The following TMEM123 variants were observed in gnomAD, a reference collection of about 807,000 sequenced individuals.
TMEM123 encodes the protein transmembrane protein 123.
A neutral mutation model predicts 19.7 loss-of-function variants in TMEM123; 16 were observed. The observed-to-expected ratio is 0.81, with a 90% CI of 0.55 to 1.23. TMEM123 has a LOEUF of 1.23. TMEM123 is among the 50% of genes most tolerant of loss of function. TMEM123 has a pLI of 0.00. For synonymous variants in TMEM123, 118 were observed against 99.4 expected, an observed-to-expected ratio of 1.19 and a Z score of -1.12; for missense variants, 313 against 257.8, an observed-to-expected ratio of 1.21 and a Z score of -1.47.
chr11:102,403,686 C>T (rs772532234), intron 2 of TMEM123, among the ~76,000 whole-genome samples: 10 of 152,130 alleles, frequency 6.6e-5, no homozygotes, highest in South Asian at 6.2e-4. Context: ...TCCAATGTGG[C>T]GGTCTTGGGA....
intron 2 of TMEM123, among the ~76,000 whole-genome samples, chr11:102,440,712 T>C (rs1857816494): frequency 6.6e-6 from 1 of 152,188 alleles, no homozygotes; most frequent in Non-Finnish European, 1.5e-5. Context: ...TAACCTTAAA[T>C]GTAAATGGGG....
intron 3 of TMEM123, 72 bp downstream of exon 3, chr11:102,401,844 C>T (rs971010410): frequency 2.7e-5 from 42 of 1,541,510 alleles, no homozygotes; most frequent in Admixed American, 3.9e-5. Context: ...TTTTGCCAGA[C>T]AGAATAATGA....
intron 2 of TMEM123, among the ~76,000 whole-genome samples, chr11:102,407,305 T>A (rs1412206161): frequency 6.6e-6 from 1 of 152,254 alleles, no homozygotes; most frequent in East Asian, 1.9e-4. Flanking sequence ...TTTGGTATTA[T>A]TCTGGACAGG....
At chr11:102,406,297 G>C (rs944998184) in intron 2 of TMEM123, among the ~76,000 whole-genome samples, 1 of 152,268 alleles carries the variant, frequency 6.6e-6, no homozygotes, top group Non-Finnish European at 1.5e-5. Flanking sequence ...GGGGTAAAGA[G>C]GAGAATGCCA....
chr11:102,402,055 G>C lies in TMEM123; in HGVS notation c.309C>G (p.Val103=), dbSNP rs142725847. The C allele has an allele frequency of 3.4e-5, 55 of 1,614,116 alleles. No individual in the cohort carries two copies. The African/African-American group carries it at 6.3e-4, about 18-fold the overall frequency. Residue 103 remains valine, a synonymous_variant, in exon 3 of 5, where the codon GTC becomes GTG. Transcript: ENST00000398136. ...AASNTTTPGM[V]STNMTSTTLK... is the part of the protein sequence containing the mutation. The stretch of plus-strand genomic sequence containing the variant: ...AGGTGGTAGAAGTCATATTTGTTGA[G>C]ACCATCCCTGGTGTTGTTGTATTAG...
chr11:102,416,551 C>T (rs1347460983), intron 2 of TMEM123, among the ~76,000 whole-genome samples: 3 of 152,004 alleles, frequency 2.0e-5, no homozygotes, highest in Non-Finnish European at 4.4e-5. Context: ...AAGCCTTGGA[C>T]CAGACCGATT....
intron 2 of TMEM123, among the ~76,000 whole-genome samples, chr11:102,443,717 G>A (rs1356413570): frequency 6.6e-6 from 1 of 152,134 alleles, no homozygotes; most frequent in Admixed American, 6.5e-5. Flanking sequence ...AAACTGAAGA[G>A]CTTTTGCATG....
In TMEM123 at chr11:102,452,626, T is replaced by C; in HGVS notation, c.-3A>G. The C allele has an allele frequency of 6.5e-7, 1 of 1,531,266 alleles. No homozygotes were observed. The highest frequency in any genetic ancestry group is 2.5e-5 in the East Asian group (1 of 39,634). 94.9% of individuals were successfully genotyped at this position (1,531,266 alleles called of 1,614,324 possible). ...GCACCTCGCGCGCCGAGTCCCATTG[T>C]TCCGAGGGCAGGATGCGGCAGCCTC... On this transcript the variant is annotated 5_prime_UTR_variant, in exon 1 of 5. Transcript: ENST00000398136.
At chr11:102,425,583 CTTTTT>C (rs1167174586) in intron 2 of TMEM123, among the ~76,000 whole-genome samples, 1 of 107,940 alleles carries the variant, frequency 9.3e-6, no homozygotes, top group Non-Finnish European at 1.9e-5. Context: ...TTTCTTTTTT[CTTTTT>C]TTTTTTTTTT....
At chr11:102,446,149 C>T (rs1857881475) in intron 2 of TMEM123, among the ~76,000 whole-genome samples, 1 of 152,174 alleles carries the variant, frequency 6.6e-6, no homozygotes, top group South Asian at 2.1e-4. Flanking sequence ...CTAGACCATG[C>T]CACATTTCCT....
intron 2 of TMEM123, among the ~76,000 whole-genome samples, chr11:102,441,254 C>T (rs1023200778): frequency 6.6e-6 from 1 of 152,150 alleles, no homozygotes; most frequent in Non-Finnish European, 1.5e-5. Context: ...CTTCTCAGCA[C>T]CACATCGCAC....
chr11:102,439,443 G>A (rs1004952049), intron 2 of TMEM123, among the ~76,000 whole-genome samples: 2 of 152,114 alleles, frequency 1.3e-5, no homozygotes, highest in African/African-American at 4.8e-5. Context: ...GGTCTGGAGT[G>A]GACCTCCAGC....
At chr11:102,407,813 C>G (rs1335239448) in intron 2 of TMEM123, among the ~76,000 whole-genome samples, 1 of 152,224 alleles carries the variant, frequency 6.6e-6, no homozygotes, top group African/African-American at 2.4e-5. Flanking sequence ...TCACCTCTGA[C>G]TCCAGCCTCC....
At chr11:102,408,272 G>A (rs955522841) in intron 2 of TMEM123, among the ~76,000 whole-genome samples, 1 of 152,216 alleles carries the variant, frequency 6.6e-6, no homozygotes, top group African/African-American at 2.4e-5. Context: ...GTGGCTATGA[G>A]TGATGTCTGG....
chr11:102,420,024 T>A (rs1302704001), intron 2 of TMEM123, among the ~76,000 whole-genome samples: 1 of 152,244 alleles, frequency 6.6e-6, no homozygotes, highest in Non-Finnish European at 1.5e-5. Context: ...ACTTAGAAAG[T>A]ATACTGGAAG....
At chr11:102,441,578 A>T (rs1388469143) in intron 2 of TMEM123, among the ~76,000 whole-genome samples, 1 of 152,228 alleles carries the variant, frequency 6.6e-6, no homozygotes, top group Non-Finnish European at 1.5e-5. Context: ...CTAAATGCCC[A>T]CAAGAGAAAG....
At chr11:102,425,166 G>A (rs1006234766) in intron 2 of TMEM123, among the ~76,000 whole-genome samples, 1 of 152,198 alleles carries the variant, frequency 6.6e-6, no homozygotes, top group Non-Finnish European at 1.5e-5. Flanking sequence ...CCAGTTCTGT[G>A]CTGAAATTGT....
intron 2 of TMEM123, chr11:102,448,115 A>G (rs1415552473): frequency 2.5e-6 from 1 of 406,500 alleles, no homozygotes; most frequent in East Asian, 7.2e-5. Context: ...TCCCTGACTA[A>G]AAGTAAACAA....
chr11:102,409,395 C>T (rs899086679), intron 2 of TMEM123, among the ~76,000 whole-genome samples: 1 of 152,040 alleles, frequency 6.6e-6, no homozygotes. Context: ...CAACCTTACC[C>T]CATCAACTAA....
Sources: gnomAD v4.1 joint callset for allele counts (sites outside exome capture counted in the v4.1 genomes callset) on GRCh38, gnomAD v4.1.1 for gene constraint, MANE v1.5 for transcripts, NCBI Gene and HGNC (gene_info 2026-07-23, HGNC 2026-07-21) for gene names.